BMPR2: variants seen among roughly 807,000 people sequenced by gnomAD.
The protein encoded by BMPR2 is bone morphogenetic protein receptor type 2.
BMPR2 carries 29 observed loss-of-function variants against 100.8 expected under a neutral mutation model. The ratio of observed to expected loss-of-function variants is 0.29; its 90% confidence interval spans 0.21 to 0.39. The LOEUF is 0.39. Ranked by LOEUF, BMPR2 falls within the 10% of genes least tolerant of loss-of-function variation. The probability of loss-of-function intolerance (pLI) is 1.00; values close to 1 mark genes in which losing one functional copy is unlikely to be tolerated. For missense variants in BMPR2, 1,011 were observed against 1,274.5 expected (o/e 0.79, Z 3.15); for synonymous variants, 382 against 442.3 (o/e 0.86, Z 1.71).
In BMPR2 at chr2:202,392,759, G is replaced by A. The variant is rs372348993; in HGVS notation, c.76+15209G>A. On this transcript the variant is annotated intron_variant, in intron 1 of 12. Transcript: ENST00000374580. ...TGTAATCTCAGCATTTTGGGAGGCC[G>A]AGGCGGGCAGATCATCTGAGGTCGG... Among the ~76,000 whole-genome samples the A allele has an allele frequency of 2.6e-3, 391 of 152,202 alleles. 1 individual carries two copies. The highest frequency in any genetic ancestry group is 9.0e-3 in the African/African-American group (376 of 41,552).
intron 1 of BMPR2, among the ~76,000 whole-genome samples, chr2:202,390,792 T>A (rs1690531638): frequency 6.6e-6 from 1 of 152,146 alleles, no homozygotes; most frequent in Non-Finnish European, 1.5e-5. Context: ...TTTCTCTGAA[T>A]TGCCTATTCT....
intron 7 of BMPR2, among the ~76,000 whole-genome samples, chr2:202,529,896 T>C (rs906283299): frequency 1.3e-5 from 2 of 152,192 alleles, no homozygotes; most frequent in African/African-American, 4.8e-5. Flanking sequence ...AAGCAGATAT[T>C]TTAAATTTCA....
chr2:202,447,293 T>C (rs1441157527), intron 1 of BMPR2, among the ~76,000 whole-genome samples: 2 of 150,464 alleles, frequency 1.3e-5, no homozygotes, highest in African/African-American at 5.0e-5. Flanking sequence ...TGGGCGATGC[T>C]GTGAGACTCT....
intron 11 of BMPR2, 29 bp downstream of exon 11, chr2:202,552,917 C>T (rs1688508382): frequency 6.2e-7 from 1 of 1,613,112 alleles, no homozygotes; most frequent in Non-Finnish European, 8.5e-7. Flanking sequence ...TGGCATCTAT[C>T]AATCAGTATT....
chr2:202,415,876 A>C (rs191510716), intron 1 of BMPR2, among the ~76,000 whole-genome samples: 194 of 152,366 alleles, frequency 1.3e-3, no homozygotes, highest in African/African-American at 4.5e-3. Flanking sequence ...GTAAGACAAC[A>C]TCCATTCTGC....
chr2:202,416,725 A>C (rs1250895125), intron 1 of BMPR2, among the ~76,000 whole-genome samples: 4 of 152,010 alleles, frequency 2.6e-5, no homozygotes, highest in African/African-American at 9.7e-5. Flanking sequence ...TGCCCTGTTT[A>C]AAAGTTGCTT....
At chr2:202,430,025 T>G (rs1180133232) in intron 1 of BMPR2, among the ~76,000 whole-genome samples, 1 of 152,218 alleles carries the variant, frequency 6.6e-6, no homozygotes, top group Non-Finnish European at 1.5e-5. Context: ...TTTCAGAAAC[T>G]TACTTTCTTC....
chr2:202,555,343 G>A lies in BMPR2; in HGVS notation c.1678G>A (p.Asp560Asn). The stretch of plus-strand genomic sequence containing the variant: ...CATTGAAGACTCTATCCATCATACT[G>A]ACAGCATCGTGAAGAATATTTCCTC... The part of the protein sequence containing the change: ...SYIEDSIHHT[D>N]SIVKNISSEH... Residue 560 changes from aspartate to asparagine, a missense_variant, in exon 12 of 13, where the codon GAC (aspartate) becomes AAC (asparagine). Asp to Asn is a conservative substitution (Grantham distance 23). This residue lies in a region of BMPR2 where 508 missense variants were observed against 552.0 expected (regional missense o/e 0.92). Coordinates refer to ENST00000374580, the MANE Select transcript of BMPR2 (RefSeq NM_001204.7). 1.2e-6 allele frequency: 2 copies of A among 1,614,028 alleles called. No homozygotes were observed. Among genetic ancestry groups the A allele is most frequent in the Non-Finnish European group, 1.7e-6 (2 of 1,179,994 alleles).
intron 9 of BMPR2, among the ~76,000 whole-genome samples, chr2:202,534,435 C>T (rs1462718643): frequency 3.3e-5 from 5 of 151,610 alleles, no homozygotes; most frequent in Non-Finnish European, 7.4e-5. Flanking sequence ...TCCCTGGGTA[C>T]TTGAGATTAG....
intron 10 of BMPR2, among the ~76,000 whole-genome samples, chr2:202,544,355 G>T (rs1190537949): frequency 1.3e-5 from 2 of 152,016 alleles, no homozygotes; most frequent in Non-Finnish European, 2.9e-5. Flanking sequence ...ATGAATCCTT[G>T]CATGTTTAAA....
intron 3 of BMPR2, among the ~76,000 whole-genome samples, chr2:202,470,741 G>A (rs1035173116): frequency 1.2e-4 from 18 of 148,430 alleles, no homozygotes; most frequent in Admixed American, 8.1e-4. Flanking sequence ...TCCGCAGTCC[G>A]GCCTGGGCGA....
chr2:202,521,564 G>GAA (rs113086736), intron 7 of BMPR2, among the ~76,000 whole-genome samples: 2 of 135,848 alleles, frequency 1.5e-5, no homozygotes, highest in African/African-American at 2.7e-5. Context: ...GACTGTCTCA[G>GAA]AAAAAAAAAA....
At chr2:202,391,813 G>T (rs2105903549) in intron 1 of BMPR2, among the ~76,000 whole-genome samples, 1 of 151,680 alleles carries the variant, frequency 6.6e-6, no homozygotes, top group Non-Finnish European at 1.5e-5. Flanking sequence ...CCAGGCTGGA[G>T]TGCAGTGGCG....
At chr2:202,399,569 G>A (rs1382367277) in intron 1 of BMPR2, among the ~76,000 whole-genome samples, 1 of 152,164 alleles carries the variant, frequency 6.6e-6, no homozygotes. Context: ...AAGAGTTTAA[G>A]CAGAGTAATT....
chr2:202,390,634 G>C lies in BMPR2; in HGVS notation c.76+13084G>C, dbSNP rs530465955. Among the ~76,000 whole-genome samples the C allele has an allele frequency of 1.8e-4, 27 of 152,050 alleles. 1 individual carries two copies. The South Asian group carries it at 5.4e-3, about 30-fold the overall frequency. On this transcript the variant is annotated intron_variant, in intron 1 of 12. Transcript: ENST00000374580. ...GGTGTGAGCCACCGTGCTTGGCCGA[G>C]AATCTCCCATTTTCTTATACCTTTT... is the stretch of plus-strand genomic sequence containing the variant.
chr2:202,439,293 A>AT (rs1055191313), intron 1 of BMPR2, among the ~76,000 whole-genome samples: 3 of 149,552 alleles, frequency 2.0e-5, no homozygotes, highest in Non-Finnish European at 4.4e-5. Flanking sequence ...AATACAATTG[A>AT]TTTTTATATA....
At chr2:202,380,057 C>T (rs554116161) in intron 1 of BMPR2, among the ~76,000 whole-genome samples, 51 of 151,978 alleles carry the variant, frequency 3.4e-4, no homozygotes, top group South Asian at 8.3e-4. Flanking sequence ...TTAGTGGAGA[C>T]GGGGTTTCAC....
chr2:202,443,954 G>A (rs769328001), intron 1 of BMPR2, among the ~76,000 whole-genome samples: 2 of 150,296 alleles, frequency 1.3e-5, no homozygotes, highest in Non-Finnish European at 2.9e-5. Flanking sequence ...AATGTTGGTG[G>A]TACTACCGAC....
rs1408943798 is a variant in BMPR2, at chr2:202,437,354, CTCT to C, written c.77-27450_77-27448del. 3.3e-5 allele frequency among the ~76,000 whole-genome samples: 5 copies of C among 150,712 alleles called. No individual in the cohort carries two copies. In the East Asian group the frequency reaches 5.8e-4, roughly 17 times the overall value. On this transcript the variant is annotated intron_variant, in intron 1 of 12. Transcript: ENST00000374580. ...GGAATTTCAACCTGACCATTTGTAT[CTCT>C]TCTTATATTTTCAGTTGTTGCAATA...
Sources: gnomAD v4.1 joint callset for allele counts (sites outside exome capture counted in the v4.1 genomes callset) on GRCh38, gnomAD v4.1.1 for gene constraint, gnomAD v4.1.1 regional missense constraint, MANE v1.5 for transcripts, NCBI Gene and HGNC (gene_info 2026-07-23, HGNC 2026-07-21) for gene names.